The following AGPAT3 variants were observed in gnomAD, a reference collection of about 807,000 sequenced individuals.
AGPAT3 encodes 1-acyl-sn-glycerol-3-phosphate acyltransferase gamma.
In AGPAT3, 5 loss-of-function variants were observed where a neutral mutation model predicts 47.3. That is an observed-to-expected ratio of 0.11 (90% CI 0.06 to 0.22). The LOEUF (loss-of-function observed/expected upper bound fraction) is 0.22. AGPAT3 is among the 10% of genes least tolerant of loss of function. AGPAT3 has a pLI of 1.00. For missense variants in AGPAT3, 315 were observed against 493.0 expected, an observed-to-expected ratio of 0.64 and a Z score of 3.42; for synonymous variants, 212 against 208.3, an observed-to-expected ratio of 1.02 and a Z score of -0.15.
intron 2 of AGPAT3, among the ~76,000 whole-genome samples, chr21:43,956,969 C>G (rs1253756770): frequency 6.6e-6 from 1 of 152,216 alleles, no homozygotes; most frequent in Admixed American, 6.5e-5. Flanking sequence ...GAAGAAGACC[C>G]CTCCACCTTT....
Position 43,880,361 on chromosome 21 carries a change from G to T in AGPAT3, c.-112+15016G>T, listed in dbSNP as rs563534420. ...AGAGGCATCTGCAGGGGCGGGGTGG[G>T]GCTCCTGGTCAGCCTGTTCTTGTCT... On this transcript the variant is annotated intron_variant, in intron 1 of 9. Coordinates refer to ENST00000291572, the MANE Select transcript of AGPAT3 (RefSeq NM_020132.5). The surrounding 1 kb of genome is among the most constrained non-coding windows in gnomAD (Gnocchi z 4.5). 4.1e-4 allele frequency among the ~76,000 whole-genome samples: 62 copies of T among 152,338 alleles called. No homozygotes were observed. Among genetic ancestry groups the T allele is most frequent in the African/African-American group, 1.4e-3 (59 of 41,590 alleles).
At chr21:43,935,506 T>G (rs1420584872) in intron 2 of AGPAT3, among the ~76,000 whole-genome samples, 1 of 152,148 alleles carries the variant, frequency 6.6e-6, no homozygotes, top group Non-Finnish European at 1.5e-5. Context: ...GCCTTAGAGG[T>G]CAAGTCCAGG....
intron 2 of AGPAT3, among the ~76,000 whole-genome samples, chr21:43,958,687 GGT>G (rs1374210006): frequency 6.6e-6 from 1 of 150,586 alleles, no homozygotes; most frequent in East Asian, 2.0e-4. Context: ...TGTGGTGTGT[GGT>G]GTGTATGTGG....
chr21:43,968,969 G>T lies in AGPAT3; in HGVS notation c.349-149G>T. 4 of 765,578 alleles carry T rather than the reference G, an allele frequency of 5.2e-6. No homozygotes were observed. The South Asian group carries it at 6.3e-5, about 12-fold the overall frequency. The allele number at this position is 765,578 out of a possible 1,614,324, so 47.4% of individuals were successfully genotyped here. A position where few individuals can be genotyped will look rare whatever the true frequency, so the allele number is the denominator to read the frequency against. The stretch of plus-strand genomic sequence containing the variant: ...CGACCCACTCACCCTCAGAAGCCGG[G>T]TCCTGCTTCACAGCAGACCCCCTGA... On this transcript the variant is annotated intron_variant, in intron 4 of 9. Coordinates refer to ENST00000291572, the MANE Select transcript of AGPAT3 (RefSeq NM_020132.5).
At chr21:43,903,488 G>T (rs377094229) in intron 1 of AGPAT3, among the ~76,000 whole-genome samples, 1 of 152,230 alleles carries the variant, frequency 6.6e-6, no homozygotes, top group East Asian at 1.9e-4. Flanking sequence ...GTCTGCTGGC[G>T]GGGGCTGGGC....
intron 2 of AGPAT3, among the ~76,000 whole-genome samples, chr21:43,941,921 C>T (rs1569077926): frequency 6.6e-6 from 1 of 152,374 alleles, no homozygotes; most frequent in South Asian, 2.1e-4. Context: ...TGCCGCATTG[C>T]GCCTGAGCAG....
intron 7 of AGPAT3, among the ~76,000 whole-genome samples, chr21:43,977,434 G>T (rs935334070): frequency 6.6e-6 from 1 of 152,198 alleles, no homozygotes; most frequent in Non-Finnish European, 1.5e-5. Flanking sequence ...TGGCCTGCCC[G>T]GTTAAATCAC....
Position 43,977,585 on chromosome 21 carries a change from T to C in AGPAT3, c.768-461T>C, listed in dbSNP as rs9978613. 9.7e-3 allele frequency among the ~76,000 whole-genome samples: 1,481 copies of C among 152,232 alleles called. 27 individuals are homozygous for C. Among genetic ancestry groups the C allele is most frequent in the African/African-American group, 0.034 (1,393 of 41,540 alleles). Reference sequence around the variant, plus strand: ...TCATTTAATGTTTGTTTTTAGAAATTGAGAGTGAGAGGCTGGGCGCAGTGG... The same window carrying C: ...TCATTTAATGTTTGTTTTTAGAAATCGAGAGTGAGAGGCTGGGCGCAGTGG... On this transcript the variant is annotated intron_variant, in intron 7 of 9. Transcript: ENST00000291572.
intron 2 of AGPAT3, among the ~76,000 whole-genome samples, chr21:43,918,202 A>G (rs866928906): frequency 5.4e-3 from 344 of 64,104 alleles, no homozygotes; most frequent in Non-Finnish European, 9.3e-3. Context: ...TGGGTTGTGG[A>G]GGTTGTGGGT....
intron 1 of AGPAT3, among the ~76,000 whole-genome samples, chr21:43,891,804 G>A (rs938263367): frequency 1.3e-5 from 2 of 152,028 alleles, no homozygotes; most frequent in South Asian, 4.2e-4. Flanking sequence ...AGTCATCCAC[G>A]TAGCTTGGAA....
chr21:43,982,981 TCCTGGGGCTGG>T lies in AGPAT3; in HGVS notation c.*591_*601del, dbSNP rs575478896. The T allele has an allele frequency of 2.4e-3, 368 of 152,916 alleles. No individual in the cohort carries two copies. The highest frequency in any genetic ancestry group is 4.0e-3 in the Non-Finnish European group (273 of 68,522). 9.5% of individuals were successfully genotyped at this position (152,916 alleles called of 1,614,324 possible). A position where few individuals can be genotyped will look rare whatever the true frequency, so the allele number is the denominator to read the frequency against. On this transcript the variant is annotated 3_prime_UTR_variant, in exon 10 of 10. Coordinates refer to ENST00000291572, the MANE Select transcript of AGPAT3 (RefSeq NM_020132.5). The surrounding 1 kb of genome is among the most constrained non-coding windows in gnomAD (Gnocchi z 6.2). Reference sequence around the variant, plus strand: ...AAGTCGGAGCCCTCACTCTGCCCTGTCCTGGGGCTGGCTGAGGGCGAACGCCCCACCTCACT... The same window carrying T: ...AAGTCGGAGCCCTCACTCTGCCCTGTCTGAGGGCGAACGCCCCACCTCACT...
At position 43,930,120 on chromosome 21, in the gene AGPAT3, T is replaced by C. The variant is rs2087190501; in HGVS notation, c.-49+26101T>C. On this transcript the variant is annotated intron_variant, in intron 2 of 9. Coordinates refer to ENST00000291572, the MANE Select transcript of AGPAT3 (RefSeq NM_020132.5). The surrounding 1 kb of genome is among the most constrained non-coding windows in gnomAD (Gnocchi z 5.0). ...GGAAGTCACGAATCCACAGTGTCTT[T>C]GAAGAAAGTGGGGAATAGAGTTATC... Among the ~76,000 whole-genome samples, 1 of 152,164 alleles carries C rather than the reference T, an allele frequency of 6.6e-6. No individual in the cohort carries two copies.
intron 2 of AGPAT3, among the ~76,000 whole-genome samples, chr21:43,914,186 AC>A (rs1262569337): frequency 6.6e-6 from 1 of 151,518 alleles, no homozygotes; most frequent in Middle Eastern, 3.2e-3. Flanking sequence ...GGCTGTTGGA[AC>A]CCCCCTGCCT....
At position 43,986,982 on chromosome 21, in the gene AGPAT3, G is replaced by A. The variant is rs761954870; in HGVS notation, c.*4590G>A. Among the ~76,000 whole-genome samples the A allele has an allele frequency of 3.3e-5, 5 of 152,340 alleles. 1 individual carries two copies. The highest frequency in any genetic ancestry group is 3.4e-3 in the Middle Eastern group (1 of 294). The stretch of plus-strand genomic sequence containing the variant: ...GCCTGTGTCCCAAAGGCCTGGCTGC[G>A]TTTGCCGTGCTGTGCGAGGACCTGT... On this transcript the variant is annotated 3_prime_UTR_variant, in exon 10 of 10. Transcript: ENST00000291572.
At chr21:43,976,981 C>T (rs1396690863) in intron 7 of AGPAT3, among the ~76,000 whole-genome samples, 1 of 152,248 alleles carries the variant, frequency 6.6e-6, no homozygotes, top group African/African-American at 2.4e-5. Flanking sequence ...TTTAATATAT[C>T]ATATGTGAGC....
chr21:43,922,781 G>A lies in AGPAT3; in HGVS notation c.-49+18762G>A, dbSNP rs1328587755. Among the ~76,000 whole-genome samples, 1 of 152,074 alleles carries A rather than the reference G, an allele frequency of 6.6e-6. No homozygotes were observed. The highest frequency in any genetic ancestry group is 2.4e-5 in the African/African-American group (1 of 41,410). ...TCCCAGCACAGGGGCTGTGGCTCAGGAGCCACGTGCCAGGCAGGTCACTCC... is the reference window on the plus strand; with the variant it reads ...TCCCAGCACAGGGGCTGTGGCTCAGAAGCCACGTGCCAGGCAGGTCACTCC... On this transcript the variant is annotated intron_variant, in intron 2 of 9. Coordinates refer to ENST00000291572, the MANE Select transcript of AGPAT3 (RefSeq NM_020132.5). This position sits in a 1 kb window ranked among gnomAD's most constrained non-coding sequence, Gnocchi z 4.9.
In AGPAT3 at chr21:43,934,331, G is replaced by A. The variant is rs145022000; in HGVS notation, c.-48-25303G>A. 2.5e-4 allele frequency among the ~76,000 whole-genome samples: 38 copies of A among 152,318 alleles called. 1 individual carries two copies. The highest frequency in any genetic ancestry group is 7.9e-4 in the African/African-American group (33 of 41,572). On this transcript the variant is annotated intron_variant, in intron 2 of 9. Transcript: ENST00000291572. This position sits in a 1 kb window ranked among gnomAD's most constrained non-coding sequence, Gnocchi z 4.7. ...GCGGAAGGAGGGGCCTCCAGGCCTC[G>A]TCTTCCTTCACTGTGCCCATGCTCA... is the stretch of plus-strand genomic sequence containing the variant.
chr21:43,970,871 A>G lies in AGPAT3; in HGVS notation c.664+65A>G. The G allele has an allele frequency of 2.1e-6, 3 of 1,406,128 alleles. No individual in the cohort carries two copies. The South Asian group carries it at 4.8e-5, about 23-fold the overall frequency. The allele number at this position is 1,406,128 out of a possible 1,614,324, so 87.1% of individuals were successfully genotyped here. On this transcript the variant is annotated intron_variant, in intron 6 of 9. Transcript: ENST00000291572. The surrounding 1 kb of genome is among the most constrained non-coding windows in gnomAD (Gnocchi z 5.8). ...TCACGGAAAATAGTGATTTCTTTAA[A>G]AAAAAAAAAAATGAGTGCATTCCAT...
At chr21:43,884,929 C>T (rs532972334) in intron 1 of AGPAT3, among the ~76,000 whole-genome samples, 29 of 152,358 alleles carry the variant, frequency 1.9e-4, no homozygotes, top group African/African-American at 6.7e-4. Flanking sequence ...CCTTCTCCCA[C>T]CTCACATGGG....
Sources: allele counts gnomAD v4.1 joint callset (sites outside exome capture counted in the v4.1 genomes callset), GRCh38; gene constraint gnomAD v4.1.1; non-coding constraint Gnocchi (gnomAD v3.1); transcripts MANE v1.5; gene names NCBI Gene and HGNC (gene_info 2026-07-23, HGNC 2026-07-21).